The following RALYL variants were observed in gnomAD, a reference collection of about 807,000 sequenced individuals.
RALYL encodes RALY RNA binding protein like.
RALYL carries 29 observed loss-of-function variants against 35.1 expected under a neutral mutation model. The ratio of observed to expected loss-of-function variants is 0.83; its 90% confidence interval spans 0.61 to 1.13. The LOEUF (loss-of-function observed/expected upper bound fraction) is 1.13. Among genes scored for constraint, RALYL ranks in the 50% most tolerant of loss-of-function variants. RALYL has a pLI of 0.00. For synonymous variants in RALYL, 120 were observed against 127.6 expected (o/e 0.94, Z 0.40); for missense variants, 359 against 360.4 (o/e 1.00, Z 0.03).
chr8:84,495,332 G>A (rs999948288), intron 1 of RALYL, among the ~76,000 whole-genome samples: 3 of 151,934 alleles, frequency 2.0e-5, no homozygotes, highest in East Asian at 1.9e-4. Flanking sequence ...ACCTCTTTTC[G>A]GGATAACTAA....
At chr8:84,188,204 G>A (rs964446359) in intron 1 of RALYL, among the ~76,000 whole-genome samples, 5 of 151,550 alleles carry the variant, frequency 3.3e-5, no homozygotes, top group South Asian at 2.1e-4. Context: ...TAGTTTTATC[G>A]GCCATGAAAT....
intron 2 of RALYL, among the ~76,000 whole-genome samples, chr8:84,673,349 G>A (rs2131851518): frequency 6.6e-6 from 1 of 152,146 alleles, no homozygotes; most frequent in Admixed American, 6.5e-5. Context: ...AGTTTCTTTT[G>A]CTGTGCTGAA....
intron 1 of RALYL, among the ~76,000 whole-genome samples, chr8:84,195,998 A>C (rs1198694129): frequency 6.6e-6 from 1 of 152,246 alleles, no homozygotes; most frequent in Non-Finnish European, 1.5e-5. Context: ...ATTACTCAAA[A>C]CTTCAAATAA....
intron 8 of RALYL, among the ~76,000 whole-genome samples, chr8:84,918,585 C>A (rs1410041527): frequency 6.6e-6 from 1 of 152,064 alleles, no homozygotes; most frequent in Non-Finnish European, 1.5e-5. Flanking sequence ...TATACTAAAA[C>A]AATCAGCTCC....
Position 84,825,918 on chromosome 8 carries a change from G to A in RALYL, c.365+21116G>A, listed in dbSNP as rs117509145. Among the ~76,000 whole-genome samples the A allele has an allele frequency of 6.0e-3, 915 of 152,128 alleles. 8 individuals carry two copies. Among genetic ancestry groups the A allele is most frequent in the Admixed American group, 0.012 (182 of 15,276 alleles). On this transcript the variant is annotated intron_variant, in intron 4 of 8. Transcript: ENST00000521268. ...GCATCAACCTAAATGTCCATCAATA[G>A]TGGGCTGGAAAAAGAAAACGTGGTA...
At chr8:84,537,418 A>G (rs538100532) in intron 2 of RALYL, among the ~76,000 whole-genome samples, 2 of 151,398 alleles carry the variant, frequency 1.3e-5, no homozygotes, top group East Asian at 3.9e-4. Flanking sequence ...AGCGGGCTAC[A>G]GTGAGCTGTG....
At chr8:84,713,849 T>C (rs1842563096) in intron 2 of RALYL, among the ~76,000 whole-genome samples, 1 of 151,036 alleles carries the variant, frequency 6.6e-6, no homozygotes, top group African/African-American at 2.4e-5. Flanking sequence ...CATCCACAGA[T>C]AGGATAAAAT....
At chr8:84,901,606 A>G (rs1845698878) in intron 8 of RALYL, among the ~76,000 whole-genome samples, 1 of 152,142 alleles carries the variant, frequency 6.6e-6, no homozygotes, top group Non-Finnish European at 1.5e-5. Flanking sequence ...TGAGAGGAGT[A>G]AACAAGATTA....
chr8:84,883,215 T>C (rs1035917861), intron 7 of RALYL, among the ~76,000 whole-genome samples: 2 of 152,014 alleles, frequency 1.3e-5, no homozygotes, highest in Non-Finnish European at 2.9e-5. Context: ...ATGAGAATAA[T>C]ATATAGGATT....
At chr8:84,516,373 T>C (rs867546150) in intron 1 of RALYL, among the ~76,000 whole-genome samples, 3 of 136,706 alleles carry the variant, frequency 2.2e-5, no homozygotes, top group Non-Finnish European at 5.0e-5. Context: ...ATTTCCTTAA[T>C]TAAAAGCCAA....
chr8:84,329,909 A>G (rs1490102526), intron 1 of RALYL, among the ~76,000 whole-genome samples: 1 of 152,112 alleles, frequency 6.6e-6, no homozygotes, highest in Admixed American at 6.6e-5. Context: ...TTTTATTAAA[A>G]ATCATATTGA....
intron 1 of RALYL, among the ~76,000 whole-genome samples, chr8:84,301,437 A>G (rs959406182): frequency 2.0e-5 from 3 of 152,174 alleles, no homozygotes; most frequent in Non-Finnish European, 4.4e-5. Flanking sequence ...CTATGTAGTG[A>G]GATTGGGGAA....
chr8:84,226,209 T>C (rs1356057767), intron 1 of RALYL, among the ~76,000 whole-genome samples: 1 of 152,112 alleles, frequency 6.6e-6, no homozygotes, highest in Non-Finnish European at 1.5e-5. Context: ...ATGCTTCTTA[T>C]GAGAATCTAA....
At chr8:84,762,334 G>A (rs1812914717) in intron 2 of RALYL, among the ~76,000 whole-genome samples, 1 of 152,046 alleles carries the variant, frequency 6.6e-6, no homozygotes, top group South Asian at 2.1e-4. Flanking sequence ...CCTGTCTTTG[G>A]TGAAGGATCT....
chr8:84,337,954 ATATACAC>A (rs1424453246), intron 1 of RALYL, among the ~76,000 whole-genome samples: 2 of 152,064 alleles, frequency 1.3e-5, no homozygotes, highest in African/African-American at 4.8e-5. Context: ...GGGTACCATA[ATATACAC>A]TATCCATTCA....
intron 1 of RALYL, among the ~76,000 whole-genome samples, chr8:84,235,142 A>G (rs921653791): frequency 2.6e-5 from 4 of 152,188 alleles, no homozygotes; most frequent in Non-Finnish European, 5.9e-5. Flanking sequence ...TGAATATTTT[A>G]TGACAATTGT....
chr8:84,525,893 G>A (rs1342237034), intron 1 of RALYL, among the ~76,000 whole-genome samples: 1 of 149,872 alleles, frequency 6.7e-6, no homozygotes, highest in Non-Finnish European at 1.5e-5. Flanking sequence ...GTTTTTGTGT[G>A]ATGGTGAAAA....
chr8:84,749,571 C>A (rs897557243), intron 2 of RALYL, among the ~76,000 whole-genome samples: 6 of 152,120 alleles, frequency 3.9e-5, no homozygotes, highest in African/African-American at 9.7e-5. Flanking sequence ...GAACAAGTGT[C>A]CCCTAGAAGT....
chr8:84,828,090 TATA>T (rs1385648648), intron 4 of RALYL, among the ~76,000 whole-genome samples: 3 of 152,202 alleles, frequency 2.0e-5, no homozygotes, highest in Non-Finnish European at 2.9e-5. Flanking sequence ...ACTAGATTTG[TATA>T]ATAACTAATT....
Sources: gnomAD v4.1 joint callset for allele counts (sites outside exome capture counted in the v4.1 genomes callset) on GRCh38, gnomAD v4.1.1 for gene constraint, MANE v1.5 for transcripts, NCBI Gene and HGNC (gene_info 2026-07-23, HGNC 2026-07-21) for gene names.